Variants in UVRAG observed in about 807,000 individuals in gnomAD.
UVRAG encodes UV radiation resistance-associated gene protein.
Under a neutral mutation model 78.0 loss-of-function variants are expected in UVRAG, and 19 were observed. The ratio of observed to expected loss-of-function variants is 0.24; its 90% confidence interval spans 0.17 to 0.36. UVRAG has a LOEUF of 0.36. Ranked by LOEUF, UVRAG falls within the 10% of genes least tolerant of loss-of-function variation. UVRAG has a pLI of 1.00. For synonymous variants in UVRAG, 323 were observed against 324.6 expected (o/e 1.00, Z 0.05); for missense variants, 740 against 853.8 (o/e 0.87, Z 1.66).
chr11:76,116,649 T>C (rs1245968394), intron 14 of UVRAG, among the ~76,000 whole-genome samples: 1 of 152,238 alleles, frequency 6.6e-6, no homozygotes, highest in Non-Finnish European at 1.5e-5. Context: ...GGAAAGTTGT[T>C]GGCTGTATCC....
chr11:75,901,320 G>A (rs1947493503), intron 5 of UVRAG, among the ~76,000 whole-genome samples: 1 of 151,960 alleles, frequency 6.6e-6, no homozygotes, highest in South Asian at 2.1e-4. Flanking sequence ...AGGTTAAGTA[G>A]AAGACGACTA....
At chr11:76,029,968 A>C (rs1950403605) in intron 12 of UVRAG, among the ~76,000 whole-genome samples, 1 of 152,216 alleles carries the variant, frequency 6.6e-6, no homozygotes, top group African/African-American at 2.4e-5. Flanking sequence ...ACCAGCAAAA[A>C]CATTATGACT....
intron 6 of UVRAG, among the ~76,000 whole-genome samples, chr11:75,932,129 A>G (rs1388714314): frequency 1.3e-5 from 2 of 152,182 alleles, no homozygotes; most frequent in Non-Finnish European, 2.9e-5. Context: ...TTGAAAATTC[A>G]AACAGAATAA....
intron 1 of UVRAG, among the ~76,000 whole-genome samples, chr11:75,818,511 C>G (rs1186230687): frequency 6.7e-6 from 1 of 149,826 alleles, no homozygotes; most frequent in East Asian, 1.9e-4. Flanking sequence ...TGGAGTCTAG[C>G]TCTGTTGCCC....
At chr11:76,137,749 A>T (rs546166688) in intron 14 of UVRAG, 34 of 313,392 alleles carry the variant, frequency 1.1e-4, no homozygotes, top group Middle Eastern at 1.1e-3. Flanking sequence ...AAAATTAAAA[A>T]TAAAAAACAT....
chr11:75,994,158 G>A (rs1949662982), intron 8 of UVRAG, among the ~76,000 whole-genome samples: 1 of 152,202 alleles, frequency 6.6e-6, no homozygotes, highest in Admixed American at 6.5e-5. Context: ...GAATACTTCA[G>A]TGGTGCCTGG....
intron 8 of UVRAG, among the ~76,000 whole-genome samples, chr11:75,997,932 AT>A (rs1260784411): frequency 6.6e-6 from 1 of 152,196 alleles, no homozygotes; most frequent in Non-Finnish European, 1.5e-5. Flanking sequence ...AACATAATGG[AT>A]TCCTGACCTG....
chr11:76,100,279 C>T (rs1163869147), intron 13 of UVRAG, among the ~76,000 whole-genome samples: 1 of 152,090 alleles, frequency 6.6e-6, no homozygotes, highest in African/African-American at 2.4e-5. Flanking sequence ...TAAATTAGCC[C>T]CTGGGGAGTG....
intron 7 of UVRAG, among the ~76,000 whole-genome samples, chr11:75,982,323 C>CA (rs1249659464): frequency 1.3e-5 from 2 of 152,146 alleles, no homozygotes; most frequent in Non-Finnish European, 2.9e-5. Flanking sequence ...TAATACTGGC[C>CA]AGGAGTGGCT....
At chr11:76,129,228 T>C (rs964939416) in intron 14 of UVRAG, among the ~76,000 whole-genome samples, 5 of 152,222 alleles carry the variant, frequency 3.3e-5, no homozygotes, top group Admixed American at 6.5e-5. Context: ...CTTTAACCAT[T>C]ACATGGACAA....
At chr11:75,819,463 TCAGC>T (rs1945339477) in intron 1 of UVRAG, among the ~76,000 whole-genome samples, 1 of 152,014 alleles carries the variant, frequency 6.6e-6, no homozygotes, top group Admixed American at 6.5e-5. Context: ...TCCTCCCACC[TCAGC>T]CTTCCGCATA....
At chr11:76,065,588 AG>A in intron 12 of UVRAG, 121 bp from the exon 13 acceptor site, 1 of 728,548 alleles carries the variant, frequency 1.4e-6, no homozygotes, top group Non-Finnish European at 2.3e-6. Flanking sequence ...GACTATAGCT[AG>A]GTGACTTAGT....
At position 76,082,762 on chromosome 11, in the gene UVRAG, G is replaced by A. The variant is rs187776510; in HGVS notation, c.1305+16974G>A. On this transcript the variant is annotated intron_variant, in intron 13 of 14. Coordinates refer to ENST00000356136, the MANE Select transcript of UVRAG (RefSeq NM_003369.4). ...TATCTACTTTGGGCCAGGTATGGTG[G>A]CTCATGCTTGTAATCCTAGCACTTT... 2.0e-5 allele frequency among the ~76,000 whole-genome samples: 3 copies of A among 152,198 alleles called. No individual in the cohort carries two copies. In the East Asian group the frequency reaches 5.8e-4, roughly 29 times the overall value.
intron 13 of UVRAG, among the ~76,000 whole-genome samples, chr11:76,097,785 T>TAGC (rs1951811820): frequency 6.6e-6 from 1 of 152,276 alleles, no homozygotes; most frequent in East Asian, 1.9e-4. Context: ...CTAGTTTATA[T>TAGC]AGCTAGTTGA....
chr11:76,094,877 C>A (rs1951762223), intron 13 of UVRAG, among the ~76,000 whole-genome samples: 1 of 152,144 alleles, frequency 6.6e-6, no homozygotes, highest in Non-Finnish European at 1.5e-5. Flanking sequence ...GGCTCTTTCT[C>A]ATTAGGGAAC....
intron 13 of UVRAG, among the ~76,000 whole-genome samples, chr11:76,075,231 G>C (rs889453880): frequency 6.6e-6 from 1 of 151,776 alleles, no homozygotes; most frequent in African/African-American, 2.4e-5. Flanking sequence ...CAATAATAAT[G>C]GTGGAAGCTC....
At chr11:75,876,752 C>T (rs552902622) in intron 3 of UVRAG, among the ~76,000 whole-genome samples, 1 of 150,398 alleles carries the variant, frequency 6.6e-6, no homozygotes, top group East Asian at 1.9e-4. Flanking sequence ...ATCTGAAGAC[C>T]CTTTGATTTA....
chr11:75,922,712 C>CCTA (rs1413808702), intron 6 of UVRAG, among the ~76,000 whole-genome samples: 5 of 152,150 alleles, frequency 3.3e-5, no homozygotes, highest in African/African-American at 1.2e-4. Flanking sequence ...CTTTGGAAGG[C>CCTA]CTAGGCAGGT....
chr11:75,930,944 T>TTTCC lies in UVRAG; in HGVS notation c.593+18908_593+18909insCTTC, dbSNP rs1291448973. The stretch of plus-strand genomic sequence containing the variant: ...TGTCGGGATTTTCTTTCTTTCTTTC[T>TTTCC]TTCTTTCTTTCTTTCTTTCTTTCTT... On this transcript the variant is annotated intron_variant, in intron 6 of 14. Transcript: ENST00000356136. 1.9e-3 allele frequency: 272 copies of TTTCC among 145,608 alleles called. 4 individuals carry two copies. The highest frequency in any genetic ancestry group is 7.0e-3 in the African/African-American group (263 of 37,544). 9.0% of individuals were successfully genotyped at this position (145,608 alleles called of 1,614,324 possible).
Sources: gnomAD v4.1 joint callset for allele counts (sites outside exome capture counted in the v4.1 genomes callset) on GRCh38, gnomAD v4.1.1 for gene constraint, MANE v1.5 for transcripts, NCBI Gene and HGNC (gene_info 2026-07-23, HGNC 2026-07-21) for gene names.